GAS7: variants seen among roughly 807,000 people sequenced by gnomAD.
GAS7 encodes the protein growth arrest specific 7, also known as growth arrest-specific protein 7.
A neutral mutation model predicts 71.1 loss-of-function variants in GAS7; 28 were observed. The observed-to-expected ratio is 0.39, with a 90% CI of 0.29 to 0.54. The LOEUF is 0.54. GAS7 is among the 20% of genes least tolerant of loss of function. GAS7 has a pLI of 0.62. For missense variants in GAS7, 436 were observed against 627.8 expected (o/e 0.69, Z 3.27); for synonymous variants, 258 against 245.8 (o/e 1.05, Z -0.46).
At chr17:10,152,153 A>T (rs549632657) in intron 1 of GAS7, among the ~76,000 whole-genome samples, 1 of 152,308 alleles carries the variant, frequency 6.6e-6, no homozygotes, top group Admixed American at 6.5e-5. Flanking sequence ...CTAGAGAGCC[A>T]CTGGTAACTT....
chr17:9,957,945 G>A (rs1007778849), intron 5 of GAS7, among the ~76,000 whole-genome samples: 3 of 152,170 alleles, frequency 2.0e-5, no homozygotes, highest in Non-Finnish European at 2.9e-5. Context: ...CTGGGTGACC[G>A]TGAGCAAGGT....
intron 2 of GAS7, among the ~76,000 whole-genome samples, chr17:10,009,177 C>T (rs958274619): frequency 6.6e-5 from 10 of 151,212 alleles, no homozygotes; most frequent in South Asian, 2.1e-4. Flanking sequence ...AAAAATTAGC[C>T]GGGCGTAGTG....
At chr17:10,036,479 A>T (rs781615562) in intron 1 of GAS7, 1 of 1,613,758 alleles carries the variant, frequency 6.2e-7, no homozygotes, top group South Asian at 1.1e-5. Context: ...ACCTCAGAGG[A>T]GAGTCTTGGG....
intron 11 of GAS7, among the ~76,000 whole-genome samples, chr17:9,920,259 C>G (rs2067758488): frequency 6.6e-6 from 1 of 151,986 alleles, no homozygotes; most frequent in African/African-American, 2.4e-5. Context: ...TCTGTAGTCA[C>G]AGTCTAAAAC....
At chr17:10,165,010 C>T (rs775720015) in intron 1 of GAS7, among the ~76,000 whole-genome samples, 25 of 151,356 alleles carry the variant, frequency 1.7e-4, no homozygotes, top group Non-Finnish European at 2.9e-4. Context: ...ATTAGCTGGG[C>T]GTGGTGGCGA....
intron 9 of GAS7, among the ~76,000 whole-genome samples, chr17:9,927,882 A>G (rs1051923030): frequency 3.9e-5 from 6 of 152,058 alleles, no homozygotes; most frequent in African/African-American, 1.4e-4. Flanking sequence ...GCTCATAAAG[A>G]CATTCTCAGC....
chr17:10,031,689 G>A lies in GAS7; in HGVS notation c.184-11792C>T, dbSNP rs558197567. ...GTACGAATGTAAGACAGAAGGGCCAGTTAATAGGGTTCCAGAGGAGACAAT... is the reference window on the plus strand; with the variant it reads ...GTACGAATGTAAGACAGAAGGGCCAATTAATAGGGTTCCAGAGGAGACAAT... On this transcript the variant is annotated intron_variant, in intron 1 of 13. Transcript: ENST00000432992. 4.6e-5 allele frequency among the ~76,000 whole-genome samples: 7 copies of A among 152,354 alleles called. No individual in the cohort carries two copies. In the South Asian group the frequency reaches 1.4e-3, roughly 32 times the overall value.
At chr17:10,153,611 T>G (rs2074184034) in intron 1 of GAS7, among the ~76,000 whole-genome samples, 1 of 151,750 alleles carries the variant, frequency 6.6e-6, no homozygotes, top group East Asian at 1.9e-4. Context: ...AAGAATAAAA[T>G]AATAATGTTT....
At chr17:10,126,478 ACT>A (rs1567602393) in intron 1 of GAS7, among the ~76,000 whole-genome samples, 3 of 150,524 alleles carry the variant, frequency 2.0e-5, no homozygotes, top group East Asian at 2.0e-4. Context: ...ACACACGCAC[ACT>A]CACACCCACT....
At chr17:9,951,554 G>C (rs1025321628) in intron 5 of GAS7, among the ~76,000 whole-genome samples, 1 of 152,184 alleles carries the variant, frequency 6.6e-6, no homozygotes, top group East Asian at 1.9e-4. Flanking sequence ...GTCGGGAGTT[G>C]GAGACCAGCC....
chr17:10,106,790 CCA>C (rs1186500699), intron 1 of GAS7, among the ~76,000 whole-genome samples: 7 of 136,860 alleles, frequency 5.1e-5, no homozygotes, highest in African/African-American at 1.9e-4. Context: ...GCCCCCCCCC[CCA>C]AATATATTAA....
At chr17:10,098,493 G>A (rs959825882) in intron 1 of GAS7, among the ~76,000 whole-genome samples, 7 of 152,238 alleles carry the variant, frequency 4.6e-5, no homozygotes, top group Admixed American at 3.9e-4. Context: ...CAAGAAAGAA[G>A]CCTTTGTTTG....
chr17:9,927,055 G>A (rs910042391), intron 9 of GAS7: 1 of 366,518 alleles, frequency 2.7e-6, no homozygotes, highest in African/African-American at 2.0e-5. Context: ...CTTTTTTTCT[G>A]AGCTTCTGCA....
intron 1 of GAS7, among the ~76,000 whole-genome samples, chr17:10,039,357 T>A (rs2072818138): frequency 6.6e-6 from 1 of 152,020 alleles, no homozygotes; most frequent in South Asian, 2.1e-4. Flanking sequence ...CCCCAGCCTC[T>A]TGGCAATGGT....
At chr17:9,920,252 G>A (rs2067758073) in intron 11 of GAS7, among the ~76,000 whole-genome samples, 1 of 152,064 alleles carries the variant, frequency 6.6e-6, no homozygotes, top group African/African-American at 2.4e-5. Context: ...GAACGCATCT[G>A]TAGTCACAGT....
At chr17:9,995,652 TA>T in intron 2 of GAS7, among the ~76,000 whole-genome samples, 1 of 152,264 alleles carries the variant, frequency 6.6e-6, no homozygotes, top group Non-Finnish European at 1.5e-5. Flanking sequence ...TTGTGACTGA[TA>T]ACCCCTATCT....
chr17:10,098,168 A>T (rs1263489429), intron 1 of GAS7, among the ~76,000 whole-genome samples: 1 of 152,066 alleles, frequency 6.6e-6, no homozygotes, highest in Non-Finnish European at 1.5e-5. Context: ...TCTTCTCTCC[A>T]GGAGACTCTT....
At chr17:10,028,457 A>T (rs937935450) in intron 1 of GAS7, among the ~76,000 whole-genome samples, 4 of 152,200 alleles carry the variant, frequency 2.6e-5, no homozygotes, top group African/African-American at 4.8e-5. Flanking sequence ...GGGAGGCAAG[A>T]TAATATGTAT....
At chr17:10,159,083 T>TATATATATAC (rs2074230234) in intron 1 of GAS7, among the ~76,000 whole-genome samples, 1 of 119,702 alleles carries the variant, frequency 8.4e-6, no homozygotes, top group Non-Finnish European at 1.7e-5. Flanking sequence ...TATATATATA[T>TATATATATAC]ATATATATAT....
Sources: allele counts gnomAD v4.1 joint callset (sites outside exome capture counted in the v4.1 genomes callset), GRCh38; gene constraint gnomAD v4.1.1; transcripts MANE v1.5; gene names NCBI Gene and HGNC (gene_info 2026-07-23, HGNC 2026-07-21).